The following RAB3GAP1 variants were observed in gnomAD, a reference collection of about 807,000 sequenced individuals.
RAB3GAP1 encodes RAB3 GTPase activating protein catalytic subunit 1.
Under a neutral mutation model 130.7 loss-of-function variants are expected in RAB3GAP1, and 86 were observed. That is an observed-to-expected ratio of 0.66 (90% confidence interval 0.55 to 0.79). The LOEUF (loss-of-function observed/expected upper bound fraction) is 0.79. RAB3GAP1 is among the 30% of genes least tolerant of loss of function. The pLI is 0.00. For synonymous variants in RAB3GAP1, 367 were observed against 401.7 expected (o/e 0.91, Z 1.03); for missense variants, 1,029 against 1,169.4 (o/e 0.88, Z 1.75).
rs1692136248 is a variant in RAB3GAP1 at position 135,150,235 on chromosome 2, A to G, written c.1924-134A>G. 5.5e-6 allele frequency: 6 copies of G among 1,082,174 alleles called. No homozygotes were observed. The South Asian group carries it at 8.8e-5, about 16-fold the overall frequency. The allele number at this position is 1,082,174 out of a possible 1,614,324, so 67.0% of individuals were successfully genotyped here. A position where few individuals can be genotyped will look rare whatever the true frequency, so the allele number is the denominator to read the frequency against. On this transcript the variant is annotated intron_variant, in intron 17 of 23. Coordinates refer to ENST00000264158, the MANE Select transcript of RAB3GAP1 (RefSeq NM_012233.3). Reference sequence around the variant, plus strand: ...TATGTAAGTTCTAAAAAACTTATGCATTTCTCTGAATTTTTAAAAATACTC... The same window carrying G: ...TATGTAAGTTCTAAAAAACTTATGCGTTTCTCTGAATTTTTAAAAATACTC...
rs554232196 is a variant in RAB3GAP1, at chr2:135,110,449, A to C, written c.363-2702A>C. ...CACACCTGGCAAGGTAAATCTTTAA[A>C]GAATTTGTCAGGATTTGTGTATTTA... On this transcript the variant is annotated intron_variant, in intron 5 of 23. Coordinates refer to ENST00000264158, the MANE Select transcript of RAB3GAP1 (RefSeq NM_012233.3). 4.6e-5 allele frequency among the ~76,000 whole-genome samples: 7 copies of C among 152,330 alleles called. No individual in the cohort carries two copies. The South Asian group carries it at 1.5e-3, about 32-fold the overall frequency.
At chr2:135,135,424 T>C (rs918606725) in intron 16 of RAB3GAP1, 105 bp downstream of exon 16, 147 of 1,428,324 alleles carry the variant, frequency 1.0e-4, no homozygotes, top group Non-Finnish European at 1.4e-4. Flanking sequence ...GGTGCTGCTG[T>C]AGGTTGCCTA....
chr2:135,061,026 T>C (rs1410576289), intron 3 of RAB3GAP1, among the ~76,000 whole-genome samples: 2 of 139,804 alleles, frequency 1.4e-5, no homozygotes, highest in African/African-American at 5.5e-5. Context: ...TTTTTTTAAA[T>C]AAACATAAAT....
intron 2 of RAB3GAP1, among the ~76,000 whole-genome samples, chr2:135,056,790 A>G (rs892682684): frequency 2.0e-5 from 3 of 152,318 alleles, no homozygotes; most frequent in African/African-American, 4.8e-5. Flanking sequence ...TTGATACTGC[A>G]TTTAATTTTA....
intron 17 of RAB3GAP1, among the ~76,000 whole-genome samples, chr2:135,148,932 T>A (rs1692086275): frequency 6.6e-6 from 1 of 152,156 alleles, no homozygotes. Context: ...CTGCACCTCA[T>A]TTTCATCACT....
At chr2:135,083,299 G>T (rs1215035181) in intron 3 of RAB3GAP1, among the ~76,000 whole-genome samples, 1 of 152,032 alleles carries the variant, frequency 6.6e-6, no homozygotes, top group African/African-American at 2.4e-5. Flanking sequence ...TTTTTGTGTG[G>T]ACATGTTTTT....
intron 11 of RAB3GAP1, among the ~76,000 whole-genome samples, chr2:135,128,191 G>A (rs1691413539): frequency 6.6e-6 from 1 of 152,162 alleles, no homozygotes; most frequent in African/African-American, 2.4e-5. Context: ...AGATGTATAA[G>A]GTATAAGTCC....
chr2:135,106,443 T>C (rs1690621472), intron 5 of RAB3GAP1, among the ~76,000 whole-genome samples: 1 of 152,232 alleles, frequency 6.6e-6, no homozygotes, highest in African/African-American at 2.4e-5. Context: ...ATGCTGTTAA[T>C]CTATAACCTT....
intron 4 of RAB3GAP1, among the ~76,000 whole-genome samples, chr2:135,092,581 C>T (rs924341197): frequency 3.3e-5 from 5 of 152,136 alleles, no homozygotes; most frequent in African/African-American, 1.2e-4. Context: ...GTATTACAGG[C>T]ACCAATCACC....
intron 17 of RAB3GAP1, among the ~76,000 whole-genome samples, chr2:135,141,820 A>G (rs1302577265): frequency 1.3e-5 from 2 of 152,144 alleles, no homozygotes; most frequent in African/African-American, 4.8e-5. Flanking sequence ...GCCTTTTCCC[A>G]TTGAGTGGCA....
intron 14 of RAB3GAP1, among the ~76,000 whole-genome samples, chr2:135,133,602 A>G (rs1177227707): frequency 6.6e-6 from 1 of 152,178 alleles, no homozygotes; most frequent in Non-Finnish European, 1.5e-5. Flanking sequence ...CTTCCTAAAT[A>G]TTCCACAGAA....
chr2:135,122,873 A>G (rs1050788100), intron 8 of RAB3GAP1, among the ~76,000 whole-genome samples: 2 of 152,106 alleles, frequency 1.3e-5, no homozygotes, highest in East Asian at 3.9e-4. Context: ...GACTACAGGT[A>G]TGCACCACCA....
chr2:135,149,243 TC>T (rs1692094984), intron 17 of RAB3GAP1, among the ~76,000 whole-genome samples: 1 of 152,244 alleles, frequency 6.6e-6, no homozygotes, highest in African/African-American at 2.4e-5. Flanking sequence ...TTGAGTATAC[TC>T]CTTCATGAGA....
At chr2:135,072,741 C>CT (rs1689514151) in intron 3 of RAB3GAP1, among the ~76,000 whole-genome samples, 1 of 152,078 alleles carries the variant, frequency 6.6e-6, no homozygotes, top group Non-Finnish European at 1.5e-5. Context: ...TATAAAGTAT[C>CT]TTTTTTATAA....
At chr2:135,079,160 C>T (rs1239533692) in intron 3 of RAB3GAP1, among the ~76,000 whole-genome samples, 2 of 152,082 alleles carry the variant, frequency 1.3e-5, no homozygotes, top group East Asian at 1.9e-4. Flanking sequence ...TGAGCCACTG[C>T]GCCCAGCCAG....
chr2:135,075,177 G>C (rs541168790), intron 3 of RAB3GAP1, among the ~76,000 whole-genome samples: 2 of 152,306 alleles, frequency 1.3e-5, no homozygotes, highest in South Asian at 4.1e-4. Context: ...CTAGAAGGCT[G>C]TCCTGTGGAG....
intron 3 of RAB3GAP1, among the ~76,000 whole-genome samples, chr2:135,062,156 C>G (rs1287090715): frequency 2.6e-5 from 4 of 152,036 alleles, no homozygotes; most frequent in Non-Finnish European, 4.4e-5. Flanking sequence ...TCAGCTGATC[C>G]GCCCGCCTCG....
At chr2:135,123,892 T>C (rs963417995) in intron 8 of RAB3GAP1, among the ~76,000 whole-genome samples, 2 of 152,178 alleles carry the variant, frequency 1.3e-5, no homozygotes, top group Non-Finnish European at 2.9e-5. Flanking sequence ...TTGAGTAATA[T>C]TTAAGGAATA....
chr2:135,138,461 A>C (rs1248773389), intron 17 of RAB3GAP1, among the ~76,000 whole-genome samples: 1 of 152,016 alleles, frequency 6.6e-6, no homozygotes, highest in East Asian at 1.9e-4. Flanking sequence ...AAAAAATAAA[A>C]AGTGAAAGCC....
Sources: gnomAD v4.1 joint callset for allele counts (sites outside exome capture counted in the v4.1 genomes callset) on GRCh38, gnomAD v4.1.1 for gene constraint, MANE v1.5 for transcripts, NCBI Gene and HGNC (gene_info 2026-07-23, HGNC 2026-07-21) for gene names.